Variants in POLN observed in about 807,000 individuals in gnomAD.
The protein encoded by POLN is DNA polymerase N.
Under a neutral mutation model 113.5 loss-of-function variants are expected in POLN, and 108 were observed. That is an observed-to-expected ratio of 0.95 (90% CI 0.81 to 1.12). POLN has a LOEUF of 1.12. POLN is among the 50% of genes most tolerant of loss of function. The pLI, the probability that POLN is intolerant of heterozygous loss-of-function variation, is 0.00. For missense variants in POLN, 1,097 were observed against 1,077.1 expected, an observed-to-expected ratio of 1.02 and a Z score of -0.26; for synonymous variants, 386 against 391.5, an observed-to-expected ratio of 0.99 and a Z score of 0.17.
chr4:2,219,808 A>G (rs61792596), intron 3 of POLN, among the ~76,000 whole-genome samples: 13,095 of 152,112 alleles, frequency 0.086, 878 homozygotes, highest in African/African-American at 0.18. Context: ...TTCACTTAGT[A>G]TGAACCCTCT....
chr4:2,171,880 A>G (rs1732871061), intron 11 of POLN, among the ~76,000 whole-genome samples: 1 of 152,224 alleles, frequency 6.6e-6, no homozygotes, highest in Non-Finnish European at 1.5e-5. Context: ...TAAAGTAGTA[A>G]AAATAATGGG....
At chr4:2,120,697 G>A (rs1731418485) in intron 19 of POLN, among the ~76,000 whole-genome samples, 1 of 152,118 alleles carries the variant, frequency 6.6e-6, no homozygotes, top group African/African-American at 2.4e-5. Flanking sequence ...GTTTCATCAT[G>A]TTGGCCATGC....
intron 19 of POLN, among the ~76,000 whole-genome samples, chr4:2,108,896 T>C (rs976377552): frequency 1.3e-5 from 2 of 152,046 alleles, no homozygotes; most frequent in African/African-American, 4.8e-5. Context: ...GCAAAGACAC[T>C]TTCCTCGTGG....
chr4:2,176,388 C>A, intron 8 of POLN, 54 bp from the exon 9 acceptor site: 1 of 1,357,912 alleles, frequency 7.4e-7, no homozygotes, highest in South Asian at 1.3e-5. Context: ...TGGCAGTGCT[C>A]ACCACAGTCT....
chr4:2,172,009 T>C (rs1168790655), intron 11 of POLN, among the ~76,000 whole-genome samples: 2 of 152,126 alleles, frequency 1.3e-5, no homozygotes, highest in African/African-American at 4.8e-5. Flanking sequence ...CATCAGGATA[T>C]CCTATACATC....
chr4:2,097,978 ACTGATTTTTTGCCAC>A (rs1378158783), intron 19 of POLN, among the ~76,000 whole-genome samples: 1 of 152,248 alleles, frequency 6.6e-6, no homozygotes, highest in Admixed American at 6.5e-5. Context: ...CCCAGACTTC[ACTGATTTTTTGCCAC>A]CTAATTTCTA....
chr4:2,168,193 C>A (rs1389985662), intron 13 of POLN, among the ~76,000 whole-genome samples: 1 of 152,098 alleles, frequency 6.6e-6, no homozygotes, highest in Non-Finnish European at 1.5e-5. Context: ...GTTGGGGGAG[C>A]TGAGCAGCAG....
At chr4:2,171,289 A>T in intron 11 of POLN, 108 bp from the exon 12 acceptor site, 1 of 897,180 alleles carries the variant, frequency 1.1e-6, no homozygotes, top group Non-Finnish European at 1.7e-6. Context: ...ACGGTGGCTT[A>T]TGCCTGTGAT....
At chr4:2,080,109 T>G (rs994990130) in intron 23 of POLN, 1 of 984,728 alleles carries the variant, frequency 1.0e-6, no homozygotes. Context: ...ACTGACACTG[T>G]GGGGGGCTGG....
chr4:2,229,929 C>G (rs1162790409), intron 2 of POLN: 1 of 152,286 alleles, frequency 6.6e-6, no homozygotes, highest in Non-Finnish European at 1.5e-5. Context: ...ACACAACTAC[C>G]ATCCGTGCCT....
intron 7 of POLN, among the ~76,000 whole-genome samples, chr4:2,184,386 T>C (rs920122181): frequency 1.3e-5 from 2 of 152,012 alleles, no homozygotes; most frequent in Non-Finnish European, 2.9e-5. Flanking sequence ...AAAACAATAG[T>C]ATAGCATATT....
At chr4:2,240,418 T>G (rs1422575430) in intron 2 of POLN, 1 of 1,613,670 alleles carries the variant, frequency 6.2e-7, no homozygotes. Context: ...AAGAACATCA[T>G]CAATTGTGTA....
chr4:2,084,957 C>T (rs1730514136), intron 21 of POLN, among the ~76,000 whole-genome samples: 1 of 152,142 alleles, frequency 6.6e-6, no homozygotes, highest in Admixed American at 6.5e-5. Flanking sequence ...TCATTTATGC[C>T]CACAACTTTC....
At position 2,130,213 on chromosome 4, in the gene POLN, T is replaced by C. The variant is rs948533198; in HGVS notation, c.1790-957A>G. Among the ~76,000 whole-genome samples the C allele has an allele frequency of 9.5e-4, 140 of 147,804 alleles. 3 individuals carry two copies. Among genetic ancestry groups the C allele is most frequent in the Non-Finnish European group, 2.1e-4 (14 of 67,058 alleles). On this transcript the variant is annotated intron_variant, in intron 17 of 25. Transcript: ENST00000511885. ...GTGAGCTGAGATCACAACACTGCAC[T>C]CCAGCCTGGGCAACAGAGCGAGACT...
chr4:2,235,358 T>TA (rs1734724236), intron 2 of POLN, among the ~76,000 whole-genome samples: 1 of 152,220 alleles, frequency 6.6e-6, no homozygotes, highest in Non-Finnish European at 1.5e-5. Flanking sequence ...GCTACTGTTT[T>TA]AAAAACCACA....
intron 4 of POLN, among the ~76,000 whole-genome samples, chr4:2,211,288 A>G (rs1043299473): frequency 6.8e-6 from 1 of 147,140 alleles, no homozygotes; most frequent in African/African-American, 2.5e-5. Context: ...AATAATAATA[A>G]TAATAATAAT....
chr4:2,102,930 G>A (rs1440382284), intron 19 of POLN, among the ~76,000 whole-genome samples: 1 of 152,104 alleles, frequency 6.6e-6, no homozygotes, highest in African/African-American at 2.4e-5. Context: ...ACACTCAAAT[G>A]AAAGTAAATT....
At position 2,089,513 on chromosome 4, in the gene POLN, G is replaced by C. The variant is rs1923774; in HGVS notation, c.2066-3769C>G. On this transcript the variant is annotated intron_variant, in intron 20 of 25. Transcript: ENST00000511885. ...GATGGACTTTCACACTGGGAAAACT[G>C]CAAATTATCATTTTTAAAAATGTAA... The C allele has an allele frequency of 7.8e-3, 10,185 of 1,304,250 alleles. 56 individuals are homozygous for C. The highest frequency in any genetic ancestry group is 9.7e-3 in the Non-Finnish European group (9,087 of 938,724). 80.8% of individuals were successfully genotyped at this position (1,304,250 alleles called of 1,614,324 possible). A position where few individuals can be genotyped will look rare whatever the true frequency, so the allele number is the denominator to read the frequency against.
chr4:2,099,121 G>A (rs1730865615), intron 19 of POLN, among the ~76,000 whole-genome samples: 1 of 152,064 alleles, frequency 6.6e-6, no homozygotes, highest in Non-Finnish European at 1.5e-5. Context: ...TAAATAAATG[G>A]GGGAGAACAC....
Sources: gnomAD v4.1 joint callset for allele counts (sites outside exome capture counted in the v4.1 genomes callset) on GRCh38, gnomAD v4.1.1 for gene constraint, MANE v1.5 for transcripts, NCBI Gene and HGNC (gene_info 2026-07-23, HGNC 2026-07-21) for gene names.